OLA1: variants seen among roughly 807,000 people sequenced by gnomAD.
OLA1 encodes Obg like ATPase 1.
OLA1 carries 14 observed loss-of-function variants against 48.4 expected under a neutral mutation model. That is an observed-to-expected ratio of 0.29 (90% CI 0.19 to 0.45). OLA1 has a LOEUF of 0.45. OLA1 is among the 20% of genes least tolerant of loss of function. The pLI is 1.00. For missense variants in OLA1, 325 were observed against 467.1 expected (o/e 0.70, Z 2.80); for synonymous variants, 127 against 150.4 (o/e 0.84, Z 1.14).
chr2:174,085,408 C>G (rs1057375172), intron 7 of OLA1, among the ~76,000 whole-genome samples: 1 of 152,162 alleles, frequency 6.6e-6, no homozygotes, highest in Admixed American at 6.5e-5. Flanking sequence ...GTGAATTGCA[C>G]GTGCAAGGGA....
chr2:174,109,622 C>G (rs1030022895), intron 7 of OLA1, among the ~76,000 whole-genome samples: 1 of 152,164 alleles, frequency 6.6e-6, no homozygotes, highest in African/African-American at 2.4e-5. Flanking sequence ...TCCATATCCT[C>G]TTTCTTGGTC....
chr2:174,140,016 G>A (rs767928618), intron 5 of OLA1, among the ~76,000 whole-genome samples: 12 of 151,974 alleles, frequency 7.9e-5, no homozygotes, highest in Non-Finnish European at 1.3e-4. Context: ...AGTCTTTCAC[G>A]CTTATTGACA....
intron 4 of OLA1, among the ~76,000 whole-genome samples, chr2:174,219,003 T>C (rs1445464479): frequency 7.3e-6 from 1 of 137,812 alleles, no homozygotes; most frequent in Non-Finnish European, 1.5e-5. Context: ...TTTTTTTTTT[T>C]TTTGTAGCAA....
At chr2:174,234,017 T>G (rs1688792554) in intron 2 of OLA1, among the ~76,000 whole-genome samples, 1 of 152,204 alleles carries the variant, frequency 6.6e-6, no homozygotes, top group South Asian at 2.1e-4. Flanking sequence ...CAGATTATTT[T>G]CAATAAAATT....
At chr2:174,094,591 G>A (rs1448518097) in intron 7 of OLA1, among the ~76,000 whole-genome samples, 1 of 152,216 alleles carries the variant, frequency 6.6e-6, no homozygotes, top group Non-Finnish European at 1.5e-5. Context: ...GTAAAGATCC[G>A]TGGAAGAGAA....
chr2:174,210,467 A>G (rs1688216652), intron 4 of OLA1, among the ~76,000 whole-genome samples: 1 of 152,164 alleles, frequency 6.6e-6, no homozygotes, highest in Non-Finnish European at 1.5e-5. Context: ...TTTTTAAGTA[A>G]TAGCATTTGT....
At chr2:174,205,765 G>C (rs1688098668) in intron 4 of OLA1, among the ~76,000 whole-genome samples, 1 of 152,180 alleles carries the variant, frequency 6.6e-6, no homozygotes, top group African/African-American at 2.4e-5. Context: ...GACCGGTCAA[G>C]GGGACACCAT....
chr2:174,154,433 T>G (rs1306467197), intron 4 of OLA1, among the ~76,000 whole-genome samples: 1 of 152,180 alleles, frequency 6.6e-6, no homozygotes, highest in African/African-American at 2.4e-5. Context: ...AAGTTCCTCA[T>G]GTTCAACTGT....
chr2:174,136,130 T>C (rs1372558770), intron 5 of OLA1, among the ~76,000 whole-genome samples: 1 of 152,208 alleles, frequency 6.6e-6, no homozygotes, highest in Non-Finnish European at 1.5e-5. Flanking sequence ...TGCTGACTAA[T>C]CAGGGTAGTG....
At chr2:174,146,667 A>G (rs922030460) in intron 4 of OLA1, among the ~76,000 whole-genome samples, 17 of 152,210 alleles carry the variant, frequency 1.1e-4, no homozygotes, top group Non-Finnish European at 2.1e-4. Context: ...GAGAAAAACT[A>G]GGAGTATGCT....
chr2:174,231,405 G>A (rs911635198), intron 2 of OLA1, among the ~76,000 whole-genome samples: 12 of 152,000 alleles, frequency 7.9e-5, no homozygotes, highest in African/African-American at 1.9e-4. Context: ...TTGCATTTTC[G>A]TATACTGTAG....
In OLA1 at chr2:174,149,636, A is replaced by G. The variant is rs928981177; in HGVS notation, c.374-7636T>C. On this transcript the variant is annotated intron_variant, in intron 4 of 10. Transcript: ENST00000284719. ...CCTTACTGAGGTCCACTCAAAACAG[A>G]TATTTACGTGGTGAGATACATTTGA... Among the ~76,000 whole-genome samples the G allele has an allele frequency of 1.5e-3, 222 of 152,166 alleles. 1 individual carries two copies. The highest frequency in any genetic ancestry group is 2.6e-4 in the Non-Finnish European group (18 of 68,044).
At chr2:174,205,499 G>A (rs1688091885) in intron 4 of OLA1, among the ~76,000 whole-genome samples, 1 of 152,190 alleles carries the variant, frequency 6.6e-6, no homozygotes, top group Non-Finnish European at 1.5e-5. Context: ...TAGCTGAACT[G>A]AACAGAAGGT....
chr2:174,131,742 C>A (rs930408050), intron 5 of OLA1, among the ~76,000 whole-genome samples: 6 of 152,024 alleles, frequency 3.9e-5, no homozygotes, highest in Admixed American at 6.6e-5. Flanking sequence ...GAAGTCTCTG[C>A]ATATTTTTCT....
chr2:174,108,492 C>T (rs1040509131), intron 7 of OLA1, among the ~76,000 whole-genome samples: 1 of 152,080 alleles, frequency 6.6e-6, no homozygotes, highest in African/African-American at 2.4e-5. Context: ...CTAACATTAA[C>T]ATCCAAAGGC....
Position 174,246,811 on chromosome 2 carries a change from G to A in OLA1, c.5C>T (p.Pro2Leu). 1 of 1,606,002 alleles carries A rather than the reference G, an allele frequency of 6.2e-7. No individual in the cohort carries two copies. The highest frequency in any genetic ancestry group is 8.5e-7 in the Non-Finnish European group (1 of 1,174,848). M[P>L]PKKGGDGIKP... ...AATTCCATCACCTCCCTTTTTAGGG[G>A]GCATCTGAAATACCAAAGCAAACAT... is the stretch of plus-strand genomic sequence containing the variant. The change falls in exon 2 of 11, where the codon CCC becomes CTC. Residue 2 changes from proline (P) to leucine (L), a missense_variant. Pro to Leu is a moderately conservative substitution (Grantham distance 98, BLOSUM62 -3). Coordinates refer to ENST00000284719, the MANE Select transcript of OLA1 (RefSeq NM_013341.5).
intron 10 of OLA1, among the ~76,000 whole-genome samples, chr2:174,077,323 TAC>T (rs1684765335): frequency 1.1e-5 from 1 of 88,336 alleles, no homozygotes; most frequent in Non-Finnish European, 2.9e-5. Flanking sequence ...GAAATACATA[TAC>T]ATACATACAT....
chr2:174,115,691 C>G (rs1470205063), intron 7 of OLA1, among the ~76,000 whole-genome samples: 1 of 152,158 alleles, frequency 6.6e-6, no homozygotes, highest in African/African-American at 2.4e-5. Flanking sequence ...TTTATTCCAT[C>G]TAGCTACCTC....
chr2:174,128,462 G>A (rs1686096956), intron 5 of OLA1, among the ~76,000 whole-genome samples: 1 of 151,766 alleles, frequency 6.6e-6, no homozygotes, highest in Non-Finnish European at 1.5e-5. Context: ...GGGCACAGTG[G>A]CTCATGCCTA....
Sources: gnomAD v4.1 joint callset for allele counts (sites outside exome capture counted in the v4.1 genomes callset) on GRCh38, gnomAD v4.1.1 for gene constraint, MANE v1.5 for transcripts, NCBI Gene and HGNC (gene_info 2026-07-23, HGNC 2026-07-21) for gene names.